The following USP25 variants were observed in gnomAD, a reference collection of about 807,000 sequenced individuals.
USP25 encodes the protein ubiquitin specific peptidase 25, also known as ubiquitin carboxyl-terminal hydrolase 25.
In USP25, 85 loss-of-function variants were observed where a neutral mutation model predicts 158.5. The ratio of observed to expected loss-of-function variants is 0.54; its 90% confidence interval spans 0.45 to 0.64. The LOEUF is 0.64. Among genes scored for constraint, USP25 ranks in the 30% least tolerant of loss-of-function variants. The probability of loss-of-function intolerance (pLI) is 0.00; values close to 1 mark genes in which losing one functional copy is unlikely to be tolerated. For synonymous variants in USP25, 464 were observed against 460.4 expected, an observed-to-expected ratio of 1.01 and a Z score of -0.10; for missense variants, 1,242 against 1,327.3, an observed-to-expected ratio of 0.94 and a Z score of 1.00.
intron 3 of USP25, among the ~76,000 whole-genome samples, chr21:15,775,107 C>G (rs2034561198): frequency 6.6e-6 from 1 of 152,078 alleles, no homozygotes; most frequent in Non-Finnish European, 1.5e-5. Flanking sequence ...ATTCTCGCGT[C>G]TTATGATGTG....
intron 9 of USP25, 32 bp downstream of exon 9, chr21:15,811,242 T>G (rs1286081871): frequency 6.5e-7 from 1 of 1,541,132 alleles, no homozygotes; most frequent in Non-Finnish European, 8.8e-7. Context: ...TTATTGCAAG[T>G]GAAGAGAGAT....
At chr21:15,809,875 T>C (rs2146289148) in intron 8 of USP25, among the ~76,000 whole-genome samples, 1 of 152,248 alleles carries the variant, frequency 6.6e-6, no homozygotes, top group East Asian at 1.9e-4. Context: ...GAAGATATTA[T>C]GCCACGTGAA....
chr21:15,773,651 G>A (rs1490092658), intron 3 of USP25, among the ~76,000 whole-genome samples: 1 of 152,150 alleles, frequency 6.6e-6, no homozygotes, highest in Non-Finnish European at 1.5e-5. Context: ...AGAACATGGA[G>A]TAGATGGTGA....
chr21:15,777,725 G>A (rs2034739493), intron 3 of USP25, among the ~76,000 whole-genome samples, 179 bp from the exon 4 acceptor site: 2 of 152,078 alleles, frequency 1.3e-5, no homozygotes, highest in Admixed American at 1.3e-4. Context: ...AAATCATTGA[G>A]TTACTGAGTA....
intron 22 of USP25, among the ~76,000 whole-genome samples, chr21:15,869,087 C>T (rs1169277297): frequency 1.3e-5 from 2 of 151,918 alleles, no homozygotes; most frequent in African/African-American, 4.8e-5. Flanking sequence ...CTATACAAAA[C>T]AGATTAAGTA....
intron 1 of USP25, among the ~76,000 whole-genome samples, chr21:15,738,305 T>C (rs915917326): frequency 6.6e-6 from 1 of 152,228 alleles, no homozygotes; most frequent in Non-Finnish European, 1.5e-5. Context: ...TTAGAAATTT[T>C]AGAATGATCA....
chr21:15,758,149 G>A (rs1244307349), intron 1 of USP25, among the ~76,000 whole-genome samples: 2 of 152,124 alleles, frequency 1.3e-5, no homozygotes, highest in African/African-American at 2.4e-5. Flanking sequence ...ATGAGGCCTG[G>A]ACATCTTCAT....
rs1226760337 is a variant in USP25 at position 15,831,383 on chromosome 21, T to C, written c.1765-18T>C. 4 of 1,612,188 alleles carry C rather than the reference T, an allele frequency of 2.5e-6. No homozygotes were observed. Among genetic ancestry groups the C allele is most frequent in the Non-Finnish European group, 3.4e-6 (4 of 1,178,244 alleles). On this transcript the variant is annotated intron_variant, in intron 15 of 25. Transcript: ENST00000400183. Reference sequence around the variant, plus strand: ...AACTACATAATTGCAGTTTAACTCTTCTTTTTTTCACATTTAGGTTCCTTA... The same window carrying C: ...AACTACATAATTGCAGTTTAACTCTCCTTTTTTTCACATTTAGGTTCCTTA...
intron 4 of USP25, among the ~76,000 whole-genome samples, chr21:15,781,463 A>T (rs1009070090): frequency 6.6e-6 from 1 of 152,150 alleles, no homozygotes; most frequent in Admixed American, 6.5e-5. Context: ...AAAAAGACTG[A>T]TGGGAAGTGA....
chr21:15,799,583 C>T (rs1213395242), intron 5 of USP25, 174 bp from the exon 6 acceptor site: 2 of 439,276 alleles, frequency 4.6e-6, no homozygotes, highest in Admixed American at 3.9e-5. Context: ...AATGGTATGT[C>T]AAATAAAAGA....
Position 15,777,989 on chromosome 21 carries a change from G to A in USP25, c.354G>A (p.Arg118=), listed in dbSNP as rs2034753855. Reference sequence around the variant, plus strand: ...TGGCCGAATCAAACAGGGCATTCAGGGAGACTGGAATAACTGATGAGGAAC... The same window carrying A: ...TGGCCGAATCAAACAGGGCATTCAGAGAGACTGGAATAACTGATGAGGAAC... ...LSLAESNRAF[R]ETGITDEEQA... Residue 118 remains arginine (R), a synonymous_variant, in exon 4 of 26, where the codon AGG becomes AGA. Coordinates refer to ENST00000400183, the MANE Select transcript of USP25 (RefSeq NM_001283041.3). 6.2e-7 allele frequency: 1 copy of A among 1,610,928 alleles called. No homozygotes were observed. Among genetic ancestry groups the A allele is most frequent in the South Asian group, 1.1e-5 (1 of 90,664 alleles).
At chr21:15,755,392 T>A (rs1362930731) in intron 1 of USP25, among the ~76,000 whole-genome samples, 1 of 152,246 alleles carries the variant, frequency 6.6e-6, no homozygotes, top group Admixed American at 6.5e-5. Flanking sequence ...GCTTTAGTTT[T>A]CTTTTACCAT....
At position 15,831,255 on chromosome 21, in the gene USP25, A is replaced by G. The variant is rs536689081; in HGVS notation, c.1765-146A>G. 4.4e-6 allele frequency: 3 copies of G among 689,234 alleles called. No individual in the cohort carries two copies. The African/African-American group carries it at 5.5e-5, about 13-fold the overall frequency. The allele number at this position is 689,234 out of a possible 1,614,324, so 42.7% of individuals were successfully genotyped here. On this transcript the variant is annotated intron_variant, in intron 15 of 25. Coordinates refer to ENST00000400183, the MANE Select transcript of USP25 (RefSeq NM_001283041.3). ...AGTTTTATAGTTTAGTTTTTTTCAA[A>G]CTTTTAAGCCCAGCCAGTTCTCTCT...
intron 1 of USP25, among the ~76,000 whole-genome samples, chr21:15,734,227 A>T (rs1051834392): frequency 1.3e-5 from 2 of 152,244 alleles, no homozygotes; most frequent in African/African-American, 4.8e-5. Context: ...TAGATTAGCC[A>T]AGTTCAAGAG....
chr21:15,874,387 C>A lies in USP25; in HGVS notation c.2886-16C>A. ...GGTGAAATACTAATGTTATATGTTTCTTTTTAATTTTCAAGTTATATAGAT... is the reference window on the plus strand; with the variant it reads ...GGTGAAATACTAATGTTATATGTTTATTTTTAATTTTCAAGTTATATAGAT... On this transcript the variant is annotated splice_polypyrimidine_tract_variant and intron_variant, in intron 23 of 25. Coordinates refer to ENST00000400183, the MANE Select transcript of USP25 (RefSeq NM_001283041.3). The A allele has an allele frequency of 6.3e-7, 1 of 1,584,128 alleles. No individual in the cohort carries two copies. Among genetic ancestry groups the A allele is most frequent in the Admixed American group, 1.8e-5 (1 of 54,484 alleles).
intron 3 of USP25, among the ~76,000 whole-genome samples, chr21:15,774,705 A>G (rs531012467): frequency 3.3e-5 from 5 of 152,296 alleles, no homozygotes; most frequent in South Asian, 2.1e-4. Context: ...ACATAAATCA[A>G]GGTTTGAGGT....
At position 15,833,431 on chromosome 21, in the gene USP25, A is replaced by G; in HGVS notation, c.2077A>G (p.Asn693Asp). 1 of 1,614,136 alleles carries G rather than the reference A, an allele frequency of 6.2e-7. No individual in the cohort carries two copies. Among genetic ancestry groups the G allele is most frequent in the South Asian group, 1.1e-5 (1 of 91,078 alleles). ...TTTGAGAGATTTTGTTGAGGAAGAC[A>G]ACCAACGATTTGAAAAAGAACTAGA... Reference protein sequence around the residue: ...PDLRDFVEEDNQRFEKELEEW... With the variant: ...PDLRDFVEEDDQRFEKELEEW... Residue 693 changes from asparagine (N) to aspartate (D), a missense_variant, in exon 17 of 26, where the codon AAC (asparagine) becomes GAC (aspartate). Transcript: ENST00000400183.
At chr21:15,876,886 A>G (rs1442698354) in intron 24 of USP25, 1 of 152,180 alleles carries the variant, frequency 6.6e-6, no homozygotes, top group African/African-American at 2.4e-5. Flanking sequence ...CTTAAAAGTC[A>G]TGTTTATCAT....
chr21:15,823,938 A>T, intron 10 of USP25, 101 bp from the exon 11 acceptor site: 1 of 1,171,540 alleles, frequency 8.5e-7, no homozygotes. Context: ...CATTGTGGTG[A>T]TACATATAAC....
Sources: allele counts gnomAD v4.1 joint callset (sites outside exome capture counted in the v4.1 genomes callset), GRCh38; gene constraint gnomAD v4.1.1; transcripts MANE v1.5; gene names NCBI Gene and HGNC (gene_info 2026-07-23, HGNC 2026-07-21).